BNC2: variants seen among roughly 807,000 people sequenced by gnomAD.
BNC2 encodes the protein basonuclin zinc finger protein 2, also known as zinc finger protein basonuclin-2.
BNC2 carries 20 observed loss-of-function variants against 76.3 expected under a neutral mutation model. The ratio of observed to expected loss-of-function variants is 0.26; its 90% CI spans 0.18 to 0.38. The LOEUF is 0.38. Among genes scored for constraint, BNC2 ranks in the 10% least tolerant of loss-of-function variants. The pLI is 1.00. For missense variants in BNC2, 1,382 were observed against 1,399.8 expected, an observed-to-expected ratio of 0.99 and a Z score of 0.20; for synonymous variants, 582 against 514.8, an observed-to-expected ratio of 1.13 and a Z score of -1.77.
chr9:16,858,878 C>A (rs1166594233), intron 1 of BNC2, among the ~76,000 whole-genome samples: 1 of 151,768 alleles, frequency 6.6e-6, no homozygotes, highest in Non-Finnish European at 1.5e-5. Flanking sequence ...AAAGAAACTT[C>A]TGTGCTGCAA....
chr9:16,731,834 G>A (rs1824513136), intron 2 of BNC2, among the ~76,000 whole-genome samples: 1 of 152,090 alleles, frequency 6.6e-6, no homozygotes, highest in South Asian at 2.1e-4. Context: ...TTCTAAACCT[G>A]TGCTATAGGT....
chr9:16,584,367 T>A (rs929193356), intron 3 of BNC2, among the ~76,000 whole-genome samples: 5 of 152,202 alleles, frequency 3.3e-5, no homozygotes, highest in Admixed American at 2.6e-4. Context: ...ACAAATTCCA[T>A]TCACAGAGAA....
chr9:16,815,363 C>G (rs987599749), intron 1 of BNC2, among the ~76,000 whole-genome samples: 3 of 152,164 alleles, frequency 2.0e-5, no homozygotes, highest in African/African-American at 7.2e-5. Flanking sequence ...TAGGTAAAAT[C>G]TCCCTGGCAG....
At chr9:16,468,737 G>C (rs1196946005) in intron 5 of BNC2, among the ~76,000 whole-genome samples, 1 of 152,082 alleles carries the variant, frequency 6.6e-6, no homozygotes. Context: ...CCAGAAGGTA[G>C]GTACTATTAT....
rs117859108 is a variant in BNC2, at chr9:16,478,340, G to A, written c.670-40816C>T. On this transcript the variant is annotated intron_variant, in intron 5 of 6. Coordinates refer to ENST00000380672, the MANE Select transcript of BNC2 (RefSeq NM_017637.6). Reference sequence around the variant, plus strand: ...CATGAGTGGTGATCACATTTCAATTGCTCAATGCTCCTCATACACAGTGGT... The same window carrying A: ...CATGAGTGGTGATCACATTTCAATTACTCAATGCTCCTCATACACAGTGGT... Among the ~76,000 whole-genome samples the A allele has an allele frequency of 1.4e-4, 21 of 152,194 alleles. No homozygotes were observed. The East Asian group carries it at 4.1e-3, about 29-fold the overall frequency.
In BNC2 at chr9:16,650,226, G is replaced by A. The variant is rs372649222; in HGVS notation, c.331-67141C>T. ...TGACTGTCTGCAGGTATTCTTAAACGGAATTTTACTTGTCGACCATTTTTA... is the reference window on the plus strand; with the variant it reads ...TGACTGTCTGCAGGTATTCTTAAACAGAATTTTACTTGTCGACCATTTTTA... On this transcript the variant is annotated intron_variant, in intron 3 of 6. Transcript: ENST00000380672. 3.2e-4 allele frequency among the ~76,000 whole-genome samples: 48 copies of A among 152,222 alleles called. 1 individual carries two copies. The South Asian group carries it at 8.5e-3, about 27-fold the overall frequency.
chr9:16,770,088 T>C (rs1825795344), intron 1 of BNC2, among the ~76,000 whole-genome samples: 1 of 151,868 alleles, frequency 6.6e-6, no homozygotes, highest in African/African-American at 2.4e-5. Flanking sequence ...AACAAGGAGG[T>C]CTTTTCTTCC....
intron 4 of BNC2, among the ~76,000 whole-genome samples, chr9:16,580,702 G>A (rs1819609312): frequency 6.6e-6 from 1 of 152,164 alleles, no homozygotes; most frequent in South Asian, 2.1e-4. Flanking sequence ...GATAGATAAT[G>A]ATAATACAAG....
intron 5 of BNC2, among the ~76,000 whole-genome samples, chr9:16,448,909 A>G (rs1821283122): frequency 6.6e-6 from 1 of 152,236 alleles, no homozygotes; most frequent in Non-Finnish European, 1.5e-5. Flanking sequence ...ATGTGTGTAT[A>G]ATTATAAATC....
chr9:16,440,896 A>G (rs531616040), intron 5 of BNC2, among the ~76,000 whole-genome samples: 1 of 152,348 alleles, frequency 6.6e-6, no homozygotes, highest in African/African-American at 2.4e-5. Context: ...TATAGTGGTA[A>G]TAGAAGCAGC....
At chr9:16,603,385 A>T (rs1324042664) in intron 3 of BNC2, among the ~76,000 whole-genome samples, 1 of 152,234 alleles carries the variant, frequency 6.6e-6, no homozygotes, top group Non-Finnish European at 1.5e-5. Context: ...ATATGATTTT[A>T]AAAATAAACA....
chr9:16,757,887 AT>A (rs1825433656), intron 1 of BNC2, among the ~76,000 whole-genome samples: 2 of 152,170 alleles, frequency 1.3e-5, no homozygotes, highest in Non-Finnish European at 2.9e-5. Flanking sequence ...TTTGGTGATA[AT>A]TTTATTCAAG....
At chr9:16,737,238 C>CTTTTTTTTTTT (rs559930240) in intron 2 of BNC2, among the ~76,000 whole-genome samples, 13 of 91,308 alleles carry the variant, frequency 1.4e-4, no homozygotes, top group Middle Eastern at 0.018. Context: ...CACACCTGGC[C>CTTTTTTTTTTT]TTTTTTTTTT....
chr9:16,418,894 C>A lies in BNC2; in HGVS notation c.*95G>T. 1.4e-6 allele frequency: 2 copies of A among 1,387,158 alleles called. No homozygotes were observed. The highest frequency in any genetic ancestry group is 2.1e-6 in the Non-Finnish European group (2 of 975,166). The allele number at this position is 1,387,158 out of a possible 1,614,324, so 85.9% of individuals were successfully genotyped here. On this transcript the variant is annotated 3_prime_UTR_variant, in exon 7 of 7. Coordinates refer to ENST00000380672, the MANE Select transcript of BNC2 (RefSeq NM_017637.6). ...AAATGCACACACACACACACACACA[C>A]ACACACCCCAAGTACATAAGCGCAC...
chr9:16,532,618 A>C (rs1818017259), intron 5 of BNC2, among the ~76,000 whole-genome samples: 1 of 152,212 alleles, frequency 6.6e-6, no homozygotes, highest in Admixed American at 6.5e-5. Flanking sequence ...TTAAAAATTA[A>C]ATTTTAGAAA....
At chr9:16,814,835 C>G (rs1818142197) in intron 1 of BNC2, among the ~76,000 whole-genome samples, 1 of 152,152 alleles carries the variant, frequency 6.6e-6, no homozygotes, top group African/African-American at 2.4e-5. Flanking sequence ...TAAATCACAT[C>G]TGTCCATTGG....
At chr9:16,452,646 G>A (rs1821366528) in intron 5 of BNC2, among the ~76,000 whole-genome samples, 1 of 152,096 alleles carries the variant, frequency 6.6e-6, no homozygotes, top group Non-Finnish European at 1.5e-5. Flanking sequence ...CTGACCTCAG[G>A]TGATCCACCC....
At chr9:16,715,521 A>G (rs1823974262) in intron 3 of BNC2, among the ~76,000 whole-genome samples, 1 of 152,228 alleles carries the variant, frequency 6.6e-6, no homozygotes, top group Non-Finnish European at 1.5e-5. Context: ...TAGCCTGCAG[A>G]TGAGTTTTGT....
intron 5 of BNC2, among the ~76,000 whole-genome samples, chr9:16,502,854 C>T (rs1353297982): frequency 2.0e-5 from 3 of 152,158 alleles, no homozygotes; most frequent in Non-Finnish European, 4.4e-5. Flanking sequence ...GTTAATCCCA[C>T]AGAGGGCAAA....
Sources: allele counts gnomAD v4.1 joint callset (sites outside exome capture counted in the v4.1 genomes callset), GRCh38; gene constraint gnomAD v4.1.1; transcripts MANE v1.5; gene names NCBI Gene and HGNC (gene_info 2026-07-23, HGNC 2026-07-21).